The following TMPRSS11D variants were observed in gnomAD, a reference collection of about 807,000 sequenced individuals.
TMPRSS11D encodes transmembrane serine protease 11D.
In TMPRSS11D, 32 loss-of-function variants were observed where a neutral mutation model predicts 44.4. That is an observed-to-expected ratio of 0.72 (90% CI 0.54 to 0.97). TMPRSS11D has a LOEUF of 0.97. TMPRSS11D is among the 50% of genes least tolerant of loss of function. The probability of loss-of-function intolerance (pLI) is 0.00; values close to 1 mark genes in which losing one functional copy is unlikely to be tolerated. For missense variants in TMPRSS11D, 446 were observed against 502.6 expected, an observed-to-expected ratio of 0.89 and a Z score of 1.08; for synonymous variants, 179 against 177.9, an observed-to-expected ratio of 1.01 and a Z score of -0.05.
At chr4:67,878,933 A>T (rs958031043) in intron 1 of TMPRSS11D, among the ~76,000 whole-genome samples, 12 of 152,178 alleles carry the variant, frequency 7.9e-5, no homozygotes, top group Admixed American at 6.5e-4. Flanking sequence ...CTCAAAAAAC[A>T]TATATGGAGT....
chr4:67,865,097 G>C (rs549846548), intron 1 of TMPRSS11D, among the ~76,000 whole-genome samples: 1 of 151,762 alleles, frequency 6.6e-6, no homozygotes, highest in Admixed American at 6.6e-5. Flanking sequence ...CATTCTCCAA[G>C]ATAGATCATA....
intron 1 of TMPRSS11D, among the ~76,000 whole-genome samples, chr4:67,871,339 C>T (rs1577831721): frequency 1.3e-5 from 2 of 152,160 alleles, no homozygotes; most frequent in Admixed American, 6.5e-5. Context: ...TTCTGATCCT[C>T]ATATGCTGTA....
intron 5 of TMPRSS11D, among the ~76,000 whole-genome samples, chr4:67,836,041 A>G (rs1718077169): frequency 6.6e-6 from 1 of 152,144 alleles, no homozygotes; most frequent in Non-Finnish European, 1.5e-5. Context: ...GCTACTTATT[A>G]TATCCTTTTA....
chr4:67,864,489 G>A (rs1433163005), intron 1 of TMPRSS11D, among the ~76,000 whole-genome samples: 1 of 151,840 alleles, frequency 6.6e-6, no homozygotes, highest in African/African-American at 2.4e-5. Flanking sequence ...ACAAAGAAAT[G>A]AGAAAGAGAA....
At chr4:67,864,669 A>T (rs1350895416) in intron 1 of TMPRSS11D, among the ~76,000 whole-genome samples, 2 of 152,112 alleles carry the variant, frequency 1.3e-5, no homozygotes, top group African/African-American at 4.8e-5. Context: ...CTAAAGGCAG[A>T]GGTATAGAAA....
intron 3 of TMPRSS11D, among the ~76,000 whole-genome samples, chr4:67,843,160 A>AT (rs1453837071): frequency 2.6e-5 from 3 of 114,032 alleles, no homozygotes; most frequent in Admixed American, 9.7e-5. Context: ...ATCAGAGACT[A>AT]TTTTTTTAGC....
chr4:67,856,813 G>A (rs1471416762), intron 2 of TMPRSS11D, among the ~76,000 whole-genome samples: 2 of 151,956 alleles, frequency 1.3e-5, no homozygotes, highest in African/African-American at 4.8e-5. Context: ...CCATTAAGGA[G>A]TGGGCAAAGA....
intron 3 of TMPRSS11D, among the ~76,000 whole-genome samples, chr4:67,849,232 A>G (rs1031580521): frequency 4.6e-5 from 7 of 152,208 alleles, no homozygotes; most frequent in African/African-American, 1.7e-4. Flanking sequence ...GTTGGTGGAA[A>G]GCTAGGATGG....
chr4:67,879,578 C>A (rs1719273805), intron 1 of TMPRSS11D, among the ~76,000 whole-genome samples: 1 of 150,266 alleles, frequency 6.7e-6, no homozygotes. Flanking sequence ...AAGCAAAAAA[C>A]CAGGAAAGAA....
chr4:67,851,581 G>A (rs573658929), intron 3 of TMPRSS11D, among the ~76,000 whole-genome samples: 1 of 152,314 alleles, frequency 6.6e-6, no homozygotes, highest in South Asian at 2.1e-4. Context: ...CAGTTCGTTA[G>A]GGATTGTTCA....
chr4:67,875,031 TCC>T (rs1260076766), intron 1 of TMPRSS11D, among the ~76,000 whole-genome samples: 8 of 152,214 alleles, frequency 5.3e-5, no homozygotes, highest in African/African-American at 1.9e-4. Context: ...TTGCATTCAA[TCC>T]CTTCTGAATT....
chr4:67,834,985 T>C, intron 6 of TMPRSS11D, 98 bp downstream of exon 6: 1 of 1,089,104 alleles, frequency 9.2e-7, no homozygotes, highest in Non-Finnish European at 1.4e-6. Context: ...AGACATCAAC[T>C]TGATAGATAC....
chr4:67,847,266 A>G (rs1025965875), intron 3 of TMPRSS11D, among the ~76,000 whole-genome samples: 3 of 152,140 alleles, frequency 2.0e-5, no homozygotes, highest in African/African-American at 7.2e-5. Context: ...GTATGTGTCT[A>G]GTATGTATTA....
intron 4 of TMPRSS11D, among the ~76,000 whole-genome samples, chr4:67,841,855 T>C (rs568118990): frequency 1.3e-5 from 2 of 152,340 alleles, no homozygotes; most frequent in East Asian, 1.9e-4. Context: ...ATTAATTTTC[T>C]TGTGATGCTA....
At chr4:67,849,248 G>C (rs1408415442) in intron 3 of TMPRSS11D, among the ~76,000 whole-genome samples, 1 of 152,108 alleles carries the variant, frequency 6.6e-6, no homozygotes, top group African/African-American at 2.4e-5. Flanking sequence ...GATGGTGTGG[G>C]GACATCATGA....
At chr4:67,834,084 A>G (rs1157219264) in intron 6 of TMPRSS11D, among the ~76,000 whole-genome samples, 1 of 152,164 alleles carries the variant, frequency 6.6e-6, no homozygotes, top group Non-Finnish European at 1.5e-5. Context: ...TGAATAGTCT[A>G]CTGGCCAGAG....
intron 8 of TMPRSS11D, among the ~76,000 whole-genome samples, chr4:67,826,199 A>G (rs1717788546): frequency 6.6e-6 from 1 of 152,148 alleles, no homozygotes; most frequent in African/African-American, 2.4e-5. Context: ...GGAAGATTAC[A>G]TATTGAATAA....
intron 1 of TMPRSS11D, among the ~76,000 whole-genome samples, chr4:67,877,597 C>T (rs1719222076): frequency 6.6e-6 from 1 of 152,174 alleles, no homozygotes; most frequent in African/African-American, 2.4e-5. Context: ...CTTTCTGATT[C>T]TCACAACCTT....
intron 1 of TMPRSS11D, among the ~76,000 whole-genome samples, chr4:67,863,185 T>C (rs930370583): frequency 1.3e-5 from 2 of 151,388 alleles, no homozygotes; most frequent in African/African-American, 4.8e-5. Flanking sequence ...CTTTAATTAA[T>C]ACATGTAAAA....
Sources: allele counts gnomAD v4.1 joint callset (sites outside exome capture counted in the v4.1 genomes callset), GRCh38; gene constraint gnomAD v4.1.1; transcripts MANE v1.5; gene names NCBI Gene and HGNC (gene_info 2026-07-23, HGNC 2026-07-21).